The following EPHA8 variants were observed in gnomAD, a reference collection of about 807,000 sequenced individuals.
EPHA8 encodes the protein ephrin type-A receptor 8.
EPHA8 carries 58 observed loss-of-function variants against 103.6 expected under a neutral mutation model. The observed-to-expected ratio is 0.56, with a 90% CI of 0.45 to 0.70. The LOEUF is 0.70. EPHA8 is among the 30% of genes least tolerant of loss of function. The pLI is 0.00. For missense variants in EPHA8, 1,304 were observed against 1,395.2 expected, an observed-to-expected ratio of 0.93 and a Z score of 1.04; for synonymous variants, 559 against 572.5, an observed-to-expected ratio of 0.98 and a Z score of 0.34.
intron 3 of EPHA8, among the ~76,000 whole-genome samples, chr1:22,579,747 G>A (rs543864789): frequency 2.0e-5 from 3 of 152,278 alleles, no homozygotes; most frequent in South Asian, 2.1e-4. Flanking sequence ...AAGGGAGGAG[G>A]ATGTTTATAT....
Position 22,593,539 on chromosome 1 carries a change from A to C in EPHA8, c.1456A>C (p.Ser486Arg), listed in dbSNP as rs781079148. Residue 486 changes from serine (S) to arginine (R), a missense_variant, in exon 7 of 17, where the codon AGC becomes CGC. Transcript: ENST00000166244. Reference sequence around the variant, plus strand: ...CCCGTGGCAGGACAAGGAGATGCAGAGCTACTCCACCCTCAAGGCCGTCAC... The same window carrying C: ...CCCGTGGCAGGACAAGGAGATGCAGCGCTACTCCACCCTCAAGGCCGTCAC... ...KYYEKDKEMQ[S>R]YSTLKAVTTR... The C allele has an allele frequency of 2.5e-6, 4 of 1,612,434 alleles. No individual in the cohort carries two copies. The South Asian group carries it at 4.4e-5, about 18-fold the overall frequency.
At chr1:22,595,399 A>T in intron 8 of EPHA8, 76 bp downstream of exon 8, 1 of 1,273,668 alleles carries the variant, frequency 7.9e-7, no homozygotes, top group Non-Finnish European at 1.1e-6. Flanking sequence ...AGCCCCACCG[A>T]GCCGGTGGTC....
At chr1:22,594,357 C>T (rs1013445865) in intron 7 of EPHA8, among the ~76,000 whole-genome samples, 11 of 152,260 alleles carry the variant, frequency 7.2e-5, no homozygotes, top group African/African-American at 2.7e-4. Flanking sequence ...GCCCCCCACA[C>T]ACCATGGCTG....
At chr1:22,588,588 G>A (rs474152) in intron 4 of EPHA8, among the ~76,000 whole-genome samples, 64,393 of 150,244 alleles carry the variant, frequency 0.43, 15,392 homozygotes, top group African/African-American at 0.66. Context: ...GGTGAGCAGT[G>A]GGATGTCCAG....
rs56364320 is a variant in EPHA8 at position 22,579,209 on chromosome 1, ATG to A, written c.823+2337_823+2338del. Among the ~76,000 whole-genome samples the A allele has an allele frequency of 3.5e-3, 518 of 146,958 alleles. 1 individual carries two copies. Among genetic ancestry groups the A allele is most frequent in the African/African-American group, 8.1e-3 (321 of 39,506 alleles). On this transcript the variant is annotated intron_variant, in intron 3 of 16. Coordinates refer to ENST00000166244, the MANE Select transcript of EPHA8 (RefSeq NM_020526.5). ...CGTGAATATATGTGTACCTGTGTGC[ATG>A]TGTGTGTATGTATGCATGTGTGTGC...
chr1:22,598,840 C>A lies in EPHA8; in HGVS notation c.2181C>A (p.Thr727=). ...GTCCAAGCCATGTCCCCCTGCAGAC[C>A]CACGACGGGCAGTTCACCATCATGC... ...ENGSLDTFLR[T]HDGQFTIMQL... Residue 727 remains threonine, a splice_region_variant and synonymous_variant, in exon 13 of 17, where the codon ACC becomes ACA. Coordinates refer to ENST00000166244, the MANE Select transcript of EPHA8 (RefSeq NM_020526.5). This position sits in a 1 kb window ranked among gnomAD's most constrained non-coding sequence, Gnocchi z 5.1. The A allele has an allele frequency of 6.2e-7, 1 of 1,612,312 alleles. No homozygotes were observed. The highest frequency in any genetic ancestry group is 8.5e-7 in the Non-Finnish European group (1 of 1,179,656).
chr1:22,599,717 AGGGAGGGAG>A (rs1641638465), intron 13 of EPHA8, among the ~76,000 whole-genome samples: 1 of 788 alleles, frequency 1.3e-3, no homozygotes, highest in African/African-American at 4.0e-3. Context: ...GAGGGAAGGA[AGGGAGGGAG>A]GGAAGGAAGG....
chr1:22,574,731 A>G (rs565909902), intron 2 of EPHA8, among the ~76,000 whole-genome samples: 18 of 152,300 alleles, frequency 1.2e-4, no homozygotes, highest in African/African-American at 3.9e-4. Context: ...GCTGTTGTGA[A>G]TAATGCTGCT....
chr1:22,578,190 ATGTGTGTGCG>A (rs1640823671), intron 3 of EPHA8, among the ~76,000 whole-genome samples: 1 of 38,352 alleles, frequency 2.6e-5, no homozygotes, highest in African/African-American at 9.6e-5. Context: ...GTGTGCGTGC[ATGTGTGTGCG>A]TGCGAGTGTG....
chr1:22,584,928 A>G (rs767184580), intron 3 of EPHA8, among the ~76,000 whole-genome samples: 10 of 152,156 alleles, frequency 6.6e-5, no homozygotes, highest in Non-Finnish European at 1.0e-4. Flanking sequence ...CTCCCAGTCT[A>G]GAAGGAGAGT....
Position 22,577,816 on chromosome 1 carries a change from GTGTGTGCA to G in EPHA8, c.823+944_823+951del, listed in dbSNP as rs950893193. On this transcript the variant is annotated intron_variant, in intron 3 of 16. Transcript: ENST00000166244. ...TGTGTGCGTAAGTGTATGTGTGCAT[GTGTGTGCA>G]TGTGTGCGTGTGTGCATGTATGTGT... 6.2e-4 allele frequency among the ~76,000 whole-genome samples: 93 copies of G among 149,558 alleles called. 1 individual carries two copies. In the East Asian group the frequency reaches 0.014, roughly 23 times the overall value.
chr1:22,595,144 C>A (rs1194506368), intron 7 of EPHA8, 86 bp from the exon 8 acceptor site: 2 of 1,149,242 alleles, frequency 1.7e-6, no homozygotes, highest in Non-Finnish European at 2.5e-6. Context: ...AGGGTCACAG[C>A]CAGGCAGGCT....
chr1:22,577,000 C>T lies in EPHA8; in HGVS notation c.823+120C>T, dbSNP rs1341859551. The stretch of plus-strand genomic sequence containing the variant: ...GGCACCTGAGTGACCCACACAGCCC[C>T]TGGGAAGATGGATAAACCTCCAGTG... On this transcript the variant is annotated intron_variant, in intron 3 of 16. Coordinates refer to ENST00000166244, the MANE Select transcript of EPHA8 (RefSeq NM_020526.5). This position sits in a 1 kb window ranked among gnomAD's most constrained non-coding sequence, Gnocchi z 4.8. 1.7e-6 allele frequency: 2 copies of T among 1,179,112 alleles called. No individual in the cohort carries two copies. The highest frequency in any genetic ancestry group is 3.1e-5 in the African/African-American group (2 of 64,742). The allele number at this position is 1,179,112 out of a possible 1,614,324, so 73.0% of individuals were successfully genotyped here.
At chr1:22,570,311 T>C (rs1480726466) in intron 2 of EPHA8, among the ~76,000 whole-genome samples, 4 of 130,612 alleles carry the variant, frequency 3.1e-5, no homozygotes, top group East Asian at 2.1e-4. Flanking sequence ...CACGTGTGCG[T>C]GTACACACAT....
At chr1:22,573,851 T>C (rs1640609504) in intron 2 of EPHA8, among the ~76,000 whole-genome samples, 1 of 152,186 alleles carries the variant, frequency 6.6e-6, no homozygotes, top group Non-Finnish European at 1.5e-5. Context: ...ACAGGTAAAC[T>C]ACAGATGCCC....
chr1:22,596,019 G>GTT, intron 8 of EPHA8, 87 bp from the exon 9 acceptor site: 1 of 1,252,332 alleles, frequency 8.0e-7, no homozygotes, highest in South Asian at 1.3e-5. Context: ...GGCATGAAGA[G>GTT]AGAAGCCATG....
At position 22,601,425 on chromosome 1, in the gene EPHA8, C is replaced by T. The variant is rs1641725579; in HGVS notation, c.2855C>T (p.Ala952Val). The change falls in exon 16 of 17, where the codon GCT becomes GTT. Residue 952 changes from alanine to valine, a missense_variant. Ala to Val is a moderately conservative substitution (Grantham distance 64). Coordinates refer to ENST00000166244, the MANE Select transcript of EPHA8 (RefSeq NM_020526.5). ...ATGGGCCGGTACCGAGACCACTTCG[C>T]TGCGGGCGGATACTCCTCTCTGGGC... is the stretch of plus-strand genomic sequence containing the variant. ...IRMGRYRDHFAAGGYSSLGMV... is the reference protein window; with the variant it reads ...IRMGRYRDHFVAGGYSSLGMV... 2 of 1,611,034 alleles carry T rather than the reference C, an allele frequency of 1.2e-6. No individual in the cohort carries two copies. Among genetic ancestry groups the T allele is most frequent in the Non-Finnish European group, 1.7e-6 (2 of 1,179,830 alleles).
At chr1:22,574,440 A>G (rs1640628183) in intron 2 of EPHA8, among the ~76,000 whole-genome samples, 1 of 152,172 alleles carries the variant, frequency 6.6e-6, no homozygotes, top group South Asian at 2.1e-4. Context: ...CATCCTGCAA[A>G]ACGGAAACTC....
In EPHA8 at chr1:22,567,265, C is replaced by A. The variant is rs1237537080; in HGVS notation, c.95-2024C>A. Among the ~76,000 whole-genome samples, 2 of 148,826 alleles carry A rather than the reference C, an allele frequency of 1.3e-5. No individual in the cohort carries two copies. Among genetic ancestry groups the A allele is most frequent in the Non-Finnish European group, 2.9e-5 (2 of 67,950 alleles). On this transcript the variant is annotated intron_variant, in intron 1 of 16. Coordinates refer to ENST00000166244, the MANE Select transcript of EPHA8 (RefSeq NM_020526.5). The surrounding 1 kb of genome is among the most constrained non-coding windows in gnomAD (Gnocchi z 4.2). ...GCGGGGTGGGGCGGGGGGACCCATACGTGTGTGTCCTTCCCTCACCATCTC... is the reference window on the plus strand; with the variant it reads ...GCGGGGTGGGGCGGGGGGACCCATAAGTGTGTGTCCTTCCCTCACCATCTC...
Sources: gnomAD v4.1 joint callset for allele counts (sites outside exome capture counted in the v4.1 genomes callset) on GRCh38, gnomAD v4.1.1 for gene constraint, Gnocchi (gnomAD v3.1) non-coding constraint, MANE v1.5 for transcripts, NCBI Gene and HGNC (gene_info 2026-07-23, HGNC 2026-07-21) for gene names.